Variants in WNT7A observed in about 807,000 individuals in gnomAD.
WNT7A encodes protein Wnt-7a.
In WNT7A, 16 loss-of-function variants were observed where a neutral mutation model predicts 28.2. That is an observed-to-expected ratio of 0.57 (90% CI 0.38 to 0.86). The LOEUF is 0.86. Ranked by LOEUF, WNT7A falls within the 40% of genes least tolerant of loss-of-function variation. The probability of loss-of-function intolerance (pLI) is 0.00; values close to 1 mark genes in which losing one functional copy is unlikely to be tolerated. For missense variants in WNT7A, 411 were observed against 489.7 expected, an observed-to-expected ratio of 0.84 and a Z score of 1.52; for synonymous variants, 190 against 195.9, an observed-to-expected ratio of 0.97 and a Z score of 0.25.
At chr3:13,856,050 C>G (rs555397309) in intron 2 of WNT7A, among the ~76,000 whole-genome samples, 11 of 152,172 alleles carry the variant, frequency 7.2e-5, no homozygotes, top group African/African-American at 2.4e-5. Flanking sequence ...ACACAAACAA[C>G]TTGTCCCCCC....
intron 3 of WNT7A, among the ~76,000 whole-genome samples, chr3:13,837,345 C>T (rs151071539): frequency 6.8e-4 from 104 of 151,900 alleles, no homozygotes; most frequent in Admixed American, 2.5e-3. Flanking sequence ...CACAGTGCCC[C>T]GCATCAGCCC....
intron 3 of WNT7A, among the ~76,000 whole-genome samples, chr3:13,825,002 G>A (rs4685039): frequency 0.19 from 28,448 of 152,160 alleles, 3,120 homozygotes; most frequent in East Asian, 0.56. Context: ...TGCAAGGTCC[G>A]TGGTTAAGAG....
Position 13,879,748 on chromosome 3 carries a change from G to T in WNT7A, c.69C>A (p.Ile23=), listed in dbSNP as rs771449828. ...GAAAGGGCGCAGGCAGCCCTTACCC[G>T]ATCCGGAGGTAGACCATGCCCAGGC... is the stretch of plus-strand genomic sequence containing the variant. ...FLSLGMVYLR[I]GGFSSVVALG... The change falls in exon 1 of 4, where the codon ATC becomes ATA. Residue 23 remains isoleucine (I), a splice_region_variant and synonymous_variant. Transcript: ENST00000285018. 6.2e-7 allele frequency: 1 copy of T among 1,612,738 alleles called. No homozygotes were observed. The highest frequency in any genetic ancestry group is 1.1e-5 in the South Asian group (1 of 90,922).
At chr3:13,826,967 C>A (rs1176285676) in intron 3 of WNT7A, among the ~76,000 whole-genome samples, 1 of 152,170 alleles carries the variant, frequency 6.6e-6, no homozygotes. Context: ...AGAAACAGAG[C>A]ATGTCTAGAG....
Position 13,839,882 on chromosome 3 carries a change from A to G in WNT7A, c.570+14650T>C, listed in dbSNP as rs139748895. 3.6e-3 allele frequency among the ~76,000 whole-genome samples: 542 copies of G among 152,310 alleles called. 5 individuals carry two copies. Among genetic ancestry groups the G allele is most frequent in the African/African-American group, 0.012 (510 of 41,564 alleles). On this transcript the variant is annotated intron_variant, in intron 3 of 3. Transcript: ENST00000285018. ...TAATTAAAATGCTGACAGCCTCCCA[A>G]CTGCCAAGCAGCCAGGAGGGAGCAG...
At chr3:13,830,220 G>C (rs1051099419) in intron 3 of WNT7A, among the ~76,000 whole-genome samples, 1 of 152,276 alleles carries the variant, frequency 6.6e-6, no homozygotes, top group East Asian at 1.9e-4. Context: ...ACATGGTAAA[G>C]GTGGGCCCCG....
At chr3:13,833,374 C>T (rs1053477479) in intron 3 of WNT7A, among the ~76,000 whole-genome samples, 2 of 152,294 alleles carry the variant, frequency 1.3e-5, no homozygotes, top group Admixed American at 6.5e-5. Flanking sequence ...CACAAGCGCA[C>T]ACACACACAC....
intron 3 of WNT7A, among the ~76,000 whole-genome samples, chr3:13,825,634 C>T (rs1370211466): frequency 1.3e-5 from 2 of 152,192 alleles, no homozygotes; most frequent in African/African-American, 4.8e-5. Context: ...CACCACTGGC[C>T]TGGGAGTGTG....
At chr3:13,820,595 G>A (rs1453383922) in intron 3 of WNT7A, among the ~76,000 whole-genome samples, 1 of 152,150 alleles carries the variant, frequency 6.6e-6, no homozygotes, top group East Asian at 1.9e-4. Context: ...CAGCTTTTCT[G>A]AGAAAATCAG....
chr3:13,864,070 C>T (rs944308585), intron 2 of WNT7A, among the ~76,000 whole-genome samples: 12 of 152,090 alleles, frequency 7.9e-5, no homozygotes, highest in African/African-American at 2.2e-4. Context: ...GGAAAAATTC[C>T]GGCAGGGGGG....
chr3:13,849,609 C>CAAAA (rs953244837), intron 3 of WNT7A, among the ~76,000 whole-genome samples: 1 of 152,130 alleles, frequency 6.6e-6, no homozygotes, highest in Non-Finnish European at 1.5e-5. Context: ...TGGGAGGCAA[C>CAAAA]AAGCAATAAA....
intron 3 of WNT7A, 126 bp from the exon 4 acceptor site, chr3:13,819,549 T>G: frequency 7.4e-7 from 1 of 1,347,330 alleles, no homozygotes; most frequent in South Asian, 1.5e-5. Context: ...GTTTTTTCTT[T>G]CTGGTGTAGG....
intron 1 of WNT7A, among the ~76,000 whole-genome samples, chr3:13,878,003 G>A (rs903432178): frequency 6.6e-6 from 1 of 152,186 alleles, no homozygotes; most frequent in Non-Finnish European, 1.5e-5. Context: ...AGTAGCCCGA[G>A]GCGCAGGGAG....
At chr3:13,857,478 C>A (rs903011449) in intron 2 of WNT7A, among the ~76,000 whole-genome samples, 3 of 152,132 alleles carry the variant, frequency 2.0e-5, no homozygotes, top group South Asian at 2.1e-4. Context: ...CACCAGCCAG[C>A]GCAGGAGGTG....
chr3:13,861,510 T>C (rs983943970), intron 2 of WNT7A, among the ~76,000 whole-genome samples: 15 of 152,336 alleles, frequency 9.8e-5, no homozygotes, highest in African/African-American at 2.4e-4. Context: ...CCGTGGCAGC[T>C]GAGGACTTTG....
At chr3:13,856,392 T>C (rs1694729952) in intron 2 of WNT7A, among the ~76,000 whole-genome samples, 1 of 152,178 alleles carries the variant, frequency 6.6e-6, no homozygotes, top group African/African-American at 2.4e-5. Context: ...TCCACAAACA[T>C]GAAACTTGGC....
chr3:13,878,451 A>T (rs1695146297), intron 1 of WNT7A, among the ~76,000 whole-genome samples: 1 of 152,130 alleles, frequency 6.6e-6, no homozygotes, highest in East Asian at 1.9e-4. Context: ...GACGCGGGCG[A>T]ATCAATAACA....
intron 2 of WNT7A, among the ~76,000 whole-genome samples, chr3:13,862,426 A>G (rs2124867639): frequency 6.6e-6 from 1 of 152,372 alleles, no homozygotes; most frequent in South Asian, 2.1e-4. Flanking sequence ...CACAAAGTGC[A>G]TTGTATTTTT....
rs1395198522 is a variant in WNT7A, at chr3:13,817,353, C to T, written c.*1591G>A. 1 of 152,352 alleles carries T rather than the reference C, an allele frequency of 6.6e-6. No homozygotes were observed. The highest frequency in any genetic ancestry group is 1.5e-5 in the Non-Finnish European group (1 of 68,272). 9.4% of individuals were successfully genotyped at this position (152,352 alleles called of 1,614,324 possible). On this transcript the variant is annotated 3_prime_UTR_variant, in exon 4 of 4. Transcript: ENST00000285018. The stretch of plus-strand genomic sequence containing the variant: ...ACGGAAACACACAGACACATACACA[C>T]ACGAGTACGGCGGAGGCGCTGCAAG...
Sources: allele counts gnomAD v4.1 joint callset (sites outside exome capture counted in the v4.1 genomes callset), GRCh38; gene constraint gnomAD v4.1.1; transcripts MANE v1.5; gene names NCBI Gene and HGNC (gene_info 2026-07-23, HGNC 2026-07-21).